Variants in KPNA4 observed in about 807,000 individuals in gnomAD.
KPNA4 encodes karyopherin subunit alpha 4, also known as importin subunit alpha-3.
In KPNA4, 13 loss-of-function variants were observed where a neutral mutation model predicts 71.3. That is an observed-to-expected ratio of 0.18 (90% CI 0.12 to 0.29). The LOEUF (loss-of-function observed/expected upper bound fraction) is 0.29, where lower values mean the gene tolerates loss of function less well. Among genes scored for constraint, KPNA4 ranks in the 10% least tolerant of loss-of-function variants. The pLI is 1.00. For missense variants in KPNA4, 334 were observed against 603.2 expected, an observed-to-expected ratio of 0.55 and a Z score of 4.67; for synonymous variants, 189 against 195.2, an observed-to-expected ratio of 0.97 and a Z score of 0.26.
chr3:160,512,796 C>T (rs1328024203), intron 13 of KPNA4, among the ~76,000 whole-genome samples: 1 of 152,102 alleles, frequency 6.6e-6, no homozygotes, highest in Non-Finnish European at 1.5e-5. Flanking sequence ...CGTGTCACTG[C>T]ACTCTAGCCT....
chr3:160,506,943 T>C (rs1004751430), intron 15 of KPNA4, among the ~76,000 whole-genome samples: 1 of 152,176 alleles, frequency 6.6e-6, no homozygotes, highest in African/African-American at 2.4e-5. Context: ...AAGTTATGGG[T>C]TCTCCTACTT....
At chr3:160,557,425 A>G (rs976420866) in intron 1 of KPNA4, among the ~76,000 whole-genome samples, 2 of 152,350 alleles carry the variant, frequency 1.3e-5, no homozygotes, top group Admixed American at 6.5e-5. Flanking sequence ...ACACTGAGAT[A>G]GACTATGATT....
intron 11 of KPNA4, among the ~76,000 whole-genome samples, chr3:160,517,363 T>C (rs766339437): frequency 1.3e-5 from 2 of 152,116 alleles, no homozygotes; most frequent in Non-Finnish European, 2.9e-5. Flanking sequence ...AACCATTCAT[T>C]GGCTGACATT....
chr3:160,551,937 A>AC, intron 1 of KPNA4, among the ~76,000 whole-genome samples: 1 of 69,058 alleles, frequency 1.4e-5, no homozygotes, highest in Admixed American at 1.3e-4. Context: ...GGTTGTCACA[A>AC]CTGGGGGGGG....
At position 160,535,779 on chromosome 3, in the gene KPNA4, T is replaced by G. The variant is rs141668002; in HGVS notation, c.204+29A>C. ...GAAATCTTTCACTCGTACTTTTAAG[T>G]TACCAGAATAACAATAACAATGACT... On this transcript the variant is annotated intron_variant, in intron 3 of 16. Transcript: ENST00000334256. The G allele has an allele frequency of 9.2e-5, 143 of 1,559,200 alleles. No individual in the cohort carries two copies. In the African/African-American group the frequency reaches 1.9e-3, roughly 21 times the overall value.
At position 160,497,526 on chromosome 3, in the gene KPNA4, T is replaced by G. The variant is rs1390267712; in HGVS notation, c.*4578A>C. The G allele has an allele frequency of 1.3e-5, 2 of 152,220 alleles. No homozygotes were observed. The highest frequency in any genetic ancestry group is 2.4e-5 in the African/African-American group (1 of 41,458). The allele number at this position is 152,220 out of a possible 1,614,324, so 9.4% of individuals were successfully genotyped here. Reference sequence around the variant, plus strand: ...CATATATATTTAAAAGCATACTTTATTAATGTGCTTATTAAAAAGTTTAGG... The same window carrying G: ...CATATATATTTAAAAGCATACTTTAGTAATGTGCTTATTAAAAAGTTTAGG... On this transcript the variant is annotated 3_prime_UTR_variant, in exon 17 of 17. Coordinates refer to ENST00000334256, the MANE Select transcript of KPNA4 (RefSeq NM_002268.5).
intron 1 of KPNA4, among the ~76,000 whole-genome samples, chr3:160,547,770 T>C (rs954827644): frequency 5.3e-5 from 8 of 152,352 alleles, no homozygotes; most frequent in African/African-American, 1.9e-4. Flanking sequence ...ACTGTCTCTA[T>C]AGTTTTGCCT....
chr3:160,559,574 AG>A (rs1367942925), intron 1 of KPNA4, among the ~76,000 whole-genome samples: 1 of 152,184 alleles, frequency 6.6e-6, no homozygotes, highest in Non-Finnish European at 1.5e-5. Flanking sequence ...TAACAGTGTA[AG>A]AAAAGTTCAC....
intron 1 of KPNA4, among the ~76,000 whole-genome samples, chr3:160,545,977 A>G (rs894099122): frequency 2.6e-5 from 4 of 152,176 alleles, no homozygotes; most frequent in African/African-American, 9.7e-5. Context: ...TTTGGGGGGT[A>G]ATATCACTTT....
At chr3:160,503,155 C>G (rs1252755875) in intron 16 of KPNA4, among the ~76,000 whole-genome samples, 1 of 151,496 alleles carries the variant, frequency 6.6e-6, no homozygotes, top group South Asian at 2.1e-4. Context: ...ACAAAAAAAC[C>G]CCGGGCAAGT....
At chr3:160,533,317 C>A (rs200116324) in intron 5 of KPNA4, among the ~76,000 whole-genome samples, 1 of 152,088 alleles carries the variant, frequency 6.6e-6, no homozygotes, top group Non-Finnish European at 1.5e-5. Flanking sequence ...TAAGCCACCG[C>A]GCCCAGCCCC....
At chr3:160,514,963 G>T (rs746697544) in intron 12 of KPNA4, 11 of 519,018 alleles carry the variant, frequency 2.1e-5, no homozygotes, top group South Asian at 1.3e-4. Flanking sequence ...AGGGTGCCAG[G>T]CTAGTTAGGT....
chr3:160,512,816 C>T (rs1027170724), intron 13 of KPNA4, among the ~76,000 whole-genome samples: 1 of 151,506 alleles, frequency 6.6e-6, no homozygotes, highest in Non-Finnish European at 1.5e-5. Flanking sequence ...TGGGTGACAG[C>T]GAGACCGTCT....
intron 10 of KPNA4, among the ~76,000 whole-genome samples, chr3:160,525,496 A>G (rs1218773466): frequency 6.6e-6 from 1 of 152,224 alleles, no homozygotes; most frequent in Non-Finnish European, 1.5e-5. Flanking sequence ...GGCAACTTTA[A>G]AAACTTTTAA....
chr3:160,539,264 T>C (rs1463389231), intron 1 of KPNA4, among the ~76,000 whole-genome samples: 1 of 152,208 alleles, frequency 6.6e-6, no homozygotes, highest in Non-Finnish European at 1.5e-5. Context: ...AGATATAGAT[T>C]TTTTAAAACA....
chr3:160,548,615 AAT>A (rs1491374831), intron 1 of KPNA4, among the ~76,000 whole-genome samples: 2 of 152,134 alleles, frequency 1.3e-5, no homozygotes, highest in East Asian at 1.9e-4. Flanking sequence ...TCCATGTTGT[AAT>A]ATGTCAGAAT....
At chr3:160,539,418 T>C (rs952855349) in intron 1 of KPNA4, among the ~76,000 whole-genome samples, 2 of 152,190 alleles carry the variant, frequency 1.3e-5, no homozygotes, top group African/African-American at 4.8e-5. Context: ...TATTTCTTTT[T>C]AAAAATAAGA....
At chr3:160,547,944 T>C (rs761475200) in intron 1 of KPNA4, among the ~76,000 whole-genome samples, 1 of 152,208 alleles carries the variant, frequency 6.6e-6, no homozygotes, top group Middle Eastern at 3.2e-3. Flanking sequence ...ATATCACAAT[T>C]TATCCATTTA....
chr3:160,500,181 A>T lies in KPNA4; in HGVS notation c.*1923T>A, dbSNP rs1180097622. ...CACACCCCATGTAAAACATTGCTTTAAGTTTTAATGTTTATTTCCCCAAGA... is the reference window on the plus strand; with the variant it reads ...CACACCCCATGTAAAACATTGCTTTTAGTTTTAATGTTTATTTCCCCAAGA... On this transcript the variant is annotated 3_prime_UTR_variant, in exon 17 of 17. Transcript: ENST00000334256. 3 of 152,306 alleles carry T rather than the reference A, an allele frequency of 2.0e-5. No individual in the cohort carries two copies. 9.4% of individuals were successfully genotyped at this position (152,306 alleles called of 1,614,324 possible). A position where few individuals can be genotyped will look rare whatever the true frequency, so the allele number is the denominator to read the frequency against.
Sources: allele counts gnomAD v4.1 joint callset (sites outside exome capture counted in the v4.1 genomes callset), GRCh38; gene constraint gnomAD v4.1.1; transcripts MANE v1.5; gene names NCBI Gene and HGNC (gene_info 2026-07-23, HGNC 2026-07-21).